Variants in MEI4 observed in about 807,000 individuals in gnomAD.
MEI4 encodes the protein meiotic double-stranded break formation protein 4, also known as meiosis-specific protein MEI4.
In MEI4, 27 loss-of-function variants were observed where a neutral mutation model predicts 31.4. The ratio of observed to expected loss-of-function variants is 0.86; its 90% CI spans 0.63 to 1.19. The LOEUF is 1.19. Ranked by LOEUF, MEI4 falls within the 50% of genes most tolerant of loss-of-function variation. The probability of loss-of-function intolerance (pLI) is 0.00; values close to 1 mark genes in which losing one functional copy is unlikely to be tolerated. For missense variants in MEI4, 329 were observed against 398.9 expected (o/e 0.82, Z 1.49); for synonymous variants, 122 against 145.4 (o/e 0.84, Z 1.16).
chr6:77,800,620 C>T (rs1252769473), intron 3 of MEI4, among the ~76,000 whole-genome samples: 1 of 152,192 alleles, frequency 6.6e-6, no homozygotes, highest in Admixed American at 6.5e-5. Context: ...ATGATATTGG[C>T]TGTGGGTTTC....
intron 4 of MEI4, among the ~76,000 whole-genome samples, chr6:77,868,083 G>A (rs1328792526): frequency 6.8e-6 from 1 of 147,242 alleles, no homozygotes; most frequent in Non-Finnish European, 1.5e-5. Context: ...TGAGGGGTGG[G>A]AGGAGGGATA....
chr6:77,682,208 C>G (rs1237732154), intron 1 of MEI4, among the ~76,000 whole-genome samples: 1 of 152,192 alleles, frequency 6.6e-6, no homozygotes, highest in East Asian at 1.9e-4. Context: ...CTCCTGCACT[C>G]ACGTGTTGCC....
intron 1 of MEI4, among the ~76,000 whole-genome samples, chr6:77,656,395 A>G (rs372199681): frequency 6.6e-6 from 1 of 152,292 alleles, no homozygotes; most frequent in Non-Finnish European, 1.5e-5. Context: ...AGGTTTTACC[A>G]TAACTGATTG....
intron 4 of MEI4, among the ~76,000 whole-genome samples, 177 bp from the exon 5 acceptor site, chr6:77,922,912 G>GTCTT (rs1299525796): frequency 6.6e-6 from 1 of 151,714 alleles, no homozygotes; most frequent in African/African-American, 2.4e-5. Flanking sequence ...TGATTGTAAA[G>GTCTT]TCTTTGAATA....
intron 2 of MEI4, among the ~76,000 whole-genome samples, chr6:77,729,116 T>G (rs748566371): frequency 7.9e-5 from 12 of 152,128 alleles, no homozygotes; most frequent in African/African-American, 2.2e-4. Context: ...CATGAACTCA[T>G]AGAGAGGAAG....
intron 3 of MEI4, among the ~76,000 whole-genome samples, chr6:77,826,323 G>T (rs1445744644): frequency 6.6e-6 from 1 of 152,070 alleles, no homozygotes; most frequent in African/African-American, 2.4e-5. Context: ...AGAAAGATAT[G>T]ACTTTGTTCT....
At chr6:77,793,433 A>T (rs2127697033) in intron 3 of MEI4, among the ~76,000 whole-genome samples, 1 of 152,332 alleles carries the variant, frequency 6.6e-6, no homozygotes, top group East Asian at 1.9e-4. Flanking sequence ...AAATAACAAG[A>T]TGAAAATACA....
intron 1 of MEI4, among the ~76,000 whole-genome samples, chr6:77,680,164 A>G (rs7740518): frequency 0.28 from 39,343 of 139,726 alleles, 7,552 homozygotes; most frequent in African/African-American, 0.54. Context: ...CTGTAGTCCC[A>G]GCTACTCAGG....
intron 4 of MEI4, among the ~76,000 whole-genome samples, chr6:77,877,632 A>G (rs1191606458): frequency 6.6e-6 from 1 of 151,840 alleles, no homozygotes; most frequent in Non-Finnish European, 1.5e-5. Flanking sequence ...TACAAAATGA[A>G]TACTTTGAAA....
intron 3 of MEI4, among the ~76,000 whole-genome samples, chr6:77,793,167 C>G (rs1023933079): frequency 1.3e-5 from 2 of 152,018 alleles, no homozygotes; most frequent in Non-Finnish European, 2.9e-5. Context: ...GGAGACTAAT[C>G]ACATACAAGT....
chr6:77,791,458 A>G (rs1561990022), intron 3 of MEI4, among the ~76,000 whole-genome samples: 2 of 144,910 alleles, frequency 1.4e-5, no homozygotes, highest in Admixed American at 1.5e-4. Context: ...GCATATTCTC[A>G]CTCATAGGTG....
chr6:77,776,514 C>A (rs546788266), intron 3 of MEI4, among the ~76,000 whole-genome samples: 1 of 152,204 alleles, frequency 6.6e-6, no homozygotes, highest in South Asian at 2.1e-4. Context: ...TCCTCATTCT[C>A]TGGAAGATTA....
rs574409444 is a variant in MEI4 at position 77,864,109 on chromosome 6, C to T, written c.900+35047C>T. ...TAAACATGGAAAGGAACAATCGGTA[C>T]CAGCCACTGCAAAAACATGCCAAAT... On this transcript the variant is annotated intron_variant, in intron 4 of 4. Coordinates refer to ENST00000684080, the MANE Select transcript of MEI4 (RefSeq NM_001322247.2). Among the ~76,000 whole-genome samples the T allele has an allele frequency of 5.7e-4, 86 of 152,034 alleles. 2 individuals carry two copies. The highest frequency in any genetic ancestry group is 1.5e-3 in the African/African-American group (62 of 41,478).
chr6:77,821,794 C>A (rs1270532934), intron 3 of MEI4, among the ~76,000 whole-genome samples: 2 of 85,030 alleles, frequency 2.4e-5, no homozygotes, highest in Non-Finnish European at 4.1e-5. Flanking sequence ...GAAATGCCAT[C>A]TCTCCAAAAA....
rs1021786786 is a variant in MEI4, at chr6:77,740,819, A to AAT, written c.233-20301_233-20300dup. ...TGTTGAACATATATATTTTGAAAAA[A>AAT]ATATATATATAATATGAATTCAGAC... On this transcript the variant is annotated intron_variant, in intron 2 of 4. Transcript: ENST00000684080. Among the ~76,000 whole-genome samples the AAT allele has an allele frequency of 7.9e-5, 12 of 151,872 alleles. No homozygotes were observed. The East Asian group carries it at 9.7e-4, about 12-fold the overall frequency.
chr6:77,668,443 A>G (rs577484215), intron 1 of MEI4, among the ~76,000 whole-genome samples: 2 of 152,208 alleles, frequency 1.3e-5, no homozygotes, highest in African/African-American at 4.8e-5. Flanking sequence ...CTTGGGCAAC[A>G]GACTGTATTA....
intron 3 of MEI4, among the ~76,000 whole-genome samples, chr6:77,777,490 A>AT (rs1158224612): frequency 6.6e-6 from 1 of 152,126 alleles, no homozygotes; most frequent in Admixed American, 6.6e-5. Flanking sequence ...AAGACTGGAT[A>AT]TTTTTTCATT....
chr6:77,812,142 T>C (rs1044284377), intron 3 of MEI4, among the ~76,000 whole-genome samples: 10 of 152,162 alleles, frequency 6.6e-5, no homozygotes, highest in African/African-American at 1.9e-4. Flanking sequence ...TTGGTTTTAT[T>C]TTTTCCTAAA....
intron 2 of MEI4, among the ~76,000 whole-genome samples, chr6:77,696,781 A>C (rs1305669557): frequency 1.3e-4 from 19 of 151,994 alleles, no homozygotes; most frequent in Admixed American, 4.6e-4. Flanking sequence ...TGGCCTCATA[A>C]AATGAGTTAG....
Sources: gnomAD v4.1 joint callset for allele counts (sites outside exome capture counted in the v4.1 genomes callset) on GRCh38, gnomAD v4.1.1 for gene constraint, MANE v1.5 for transcripts, NCBI Gene and HGNC (gene_info 2026-07-23, HGNC 2026-07-21) for gene names.